The following MYO9A variants were observed in gnomAD, a reference collection of about 807,000 sequenced individuals.
MYO9A encodes unconventional myosin-IXa.
Under a neutral mutation model 293.3 loss-of-function variants are expected in MYO9A, and 103 were observed. The ratio of observed to expected loss-of-function variants is 0.35; its 90% CI spans 0.30 to 0.41. MYO9A has a LOEUF of 0.41. Among genes scored for constraint, MYO9A ranks in the 10% least tolerant of loss-of-function variants. The pLI is 1.00. For synonymous variants in MYO9A, 1,001 were observed against 1,035.7 expected (o/e 0.97, Z 0.64); for missense variants, 2,685 against 3,033.0 (o/e 0.89, Z 2.69).
chr15:71,963,077 T>C (rs1387648610), intron 13 of MYO9A, among the ~76,000 whole-genome samples: 2 of 152,134 alleles, frequency 1.3e-5, no homozygotes, highest in African/African-American at 4.8e-5. Flanking sequence ...TACTCATTTC[T>C]CTTTTTTTGG....
At chr15:71,948,165 C>A (rs185170899) in intron 15 of MYO9A, among the ~76,000 whole-genome samples, 10 of 152,276 alleles carry the variant, frequency 6.6e-5, no homozygotes, top group Non-Finnish European at 8.8e-5. Flanking sequence ...ATGAAGGGGG[C>A]AGTATCAATT....
rs764921711 is a variant in MYO9A at position 72,021,000 on chromosome 15, T to C, written c.1016A>G (p.Tyr339Cys). The C allele has an allele frequency of 2.4e-5, 38 of 1,556,586 alleles. No individual in the cohort carries two copies. Among genetic ancestry groups the C allele is most frequent in the Admixed American group, 8.3e-5 (4 of 48,156 alleles). The change falls in exon 5 of 42, where the codon TAT becomes TGT. Residue 339 changes from tyrosine to cysteine, a missense_variant. This residue lies in a region of MYO9A where 289 missense variants were observed against 456.8 expected (regional missense o/e 0.63). Transcript: ENST00000356056. The part of the protein sequence containing the change: ...EHNERNYHVF[Y>C]YLLAGASEDE... ...TTCACTTGCTCCTGCCAGGAGGTAA[T>C]AGAATACATGATAGTTCCTGTGGGA... is the stretch of plus-strand genomic sequence containing the variant.
intron 15 of MYO9A, among the ~76,000 whole-genome samples, chr15:71,949,989 T>C (rs1029838225): frequency 6.6e-6 from 1 of 152,288 alleles, no homozygotes; most frequent in African/African-American, 2.4e-5. Context: ...ACTTTTGGTC[T>C]TTTTCCAGTA....
chr15:72,005,268 T>C (rs976237293), intron 8 of MYO9A, among the ~76,000 whole-genome samples: 5 of 152,240 alleles, frequency 3.3e-5, no homozygotes, highest in Non-Finnish European at 7.3e-5. Flanking sequence ...TTGTCTTTGA[T>C]ACTGGTTTGC....
At chr15:71,942,348 T>C (rs1020064428) in intron 15 of MYO9A, among the ~76,000 whole-genome samples, 7 of 152,180 alleles carry the variant, frequency 4.6e-5, no homozygotes, top group Middle Eastern at 3.4e-3. Flanking sequence ...TCTTTCCTAA[T>C]ATTCTTAATT....
intron 39 of MYO9A, among the ~76,000 whole-genome samples, chr15:71,833,086 TATATC>T (rs1188240353): frequency 6.6e-6 from 1 of 151,720 alleles, no homozygotes; most frequent in East Asian, 1.9e-4. Context: ...AAAAGGAACA[TATATC>T]AGGCAGGACA....
At chr15:71,947,927 G>T (rs1387442124) in intron 15 of MYO9A, among the ~76,000 whole-genome samples, 4 of 152,164 alleles carry the variant, frequency 2.6e-5, no homozygotes, top group Non-Finnish European at 5.9e-5. Flanking sequence ...TTCTGGAAGT[G>T]AGCTGTAGCT....
At chr15:71,883,842 T>A in intron 27 of MYO9A, 106 bp from the exon 28 acceptor site, 1 of 996,658 alleles carries the variant, frequency 1.0e-6, no homozygotes, top group South Asian at 2.3e-5. Context: ...ATTAGCTCAT[T>A]TAAGCTTCAC....
At chr15:71,922,770 A>T (rs1354891976) in intron 18 of MYO9A, among the ~76,000 whole-genome samples, 1 of 152,180 alleles carries the variant, frequency 6.6e-6, no homozygotes, top group Non-Finnish European at 1.5e-5. Context: ...ATTCCTGGGG[A>T]GCAAATATGT....
In MYO9A at chr15:71,841,289, T is replaced by C. The variant is rs146589525; in HGVS notation, c.6837+7556A>G. On this transcript the variant is annotated intron_variant, in intron 39 of 41. Coordinates refer to ENST00000356056, the MANE Select transcript of MYO9A (RefSeq NM_006901.4). ...ATAATAGTGGGGATAATGGATAGCA[T>C]TGCCTTTTCTGATTTTAATCAGAAT... Among the ~76,000 whole-genome samples, 480 of 152,350 alleles carry C rather than the reference T, an allele frequency of 3.2e-3. 5 individuals are homozygous for C. Among genetic ancestry groups the C allele is most frequent in the Admixed American group, 6.1e-3 (93 of 15,308 alleles).
chr15:71,898,019 G>A lies in MYO9A; in HGVS notation c.4484C>T (p.Thr1495Ile). ...PVLKKLEKLN[T>I]EKEERQKQLQ... ...CTGTTTTTGCCTTTCTTCCTTCTCA[G>A]TGTTTAGCTTTTCTAACTTCTTAAG... The change falls in exon 25 of 42, where the codon ACT (threonine) becomes ATT (isoleucine). Residue 1495 changes from threonine (T) to isoleucine (I), a missense_variant. Transcript: ENST00000356056. The A allele has an allele frequency of 6.2e-7, 1 of 1,613,964 alleles. No homozygotes were observed. Among genetic ancestry groups the A allele is most frequent in the Non-Finnish European group, 8.5e-7 (1 of 1,179,996 alleles).
intron 18 of MYO9A, among the ~76,000 whole-genome samples, chr15:71,930,845 G>T (rs1241371491): frequency 6.6e-6 from 1 of 151,872 alleles, no homozygotes; most frequent in Non-Finnish European, 1.5e-5. Flanking sequence ...TTTATCTTTT[G>T]TGTATCCACT....
chr15:72,003,076 C>T (rs1394858336), intron 8 of MYO9A, among the ~76,000 whole-genome samples: 1 of 151,618 alleles, frequency 6.6e-6, no homozygotes, highest in Non-Finnish European at 1.5e-5. Context: ...TCGAGACCAG[C>T]CTGACCAATA....
chr15:71,844,477 TGA>T (rs1468575451), intron 39 of MYO9A, among the ~76,000 whole-genome samples: 2 of 152,194 alleles, frequency 1.3e-5, no homozygotes, highest in Admixed American at 6.5e-5. Flanking sequence ...ACAAAAATAT[TGA>T]GAGTCAAATG....
At chr15:71,956,777 G>A (rs996344039) in intron 14 of MYO9A, among the ~76,000 whole-genome samples, 13 of 148,994 alleles carry the variant, frequency 8.7e-5, no homozygotes, top group African/African-American at 2.7e-4. Context: ...TATGTAGCAT[G>A]TATGCTATAT....
At chr15:71,989,724 T>C (rs936965302) in intron 11 of MYO9A, among the ~76,000 whole-genome samples, 20 of 151,974 alleles carry the variant, frequency 1.3e-4, no homozygotes, top group African/African-American at 4.3e-4. Context: ...ACACATCTTT[T>C]TAATCAAAGG....
At chr15:72,054,502 C>A (rs772441750) in intron 1 of MYO9A, among the ~76,000 whole-genome samples, 14 of 151,946 alleles carry the variant, frequency 9.2e-5, no homozygotes, top group Non-Finnish European at 1.5e-4. Context: ...GAAACCCCAC[C>A]TCTACTAAAA....
intron 11 of MYO9A, among the ~76,000 whole-genome samples, chr15:71,986,625 T>A (rs1001457223): frequency 1.3e-5 from 2 of 152,238 alleles, no homozygotes; most frequent in African/African-American, 2.4e-5. Context: ...CTAACATGTA[T>A]GTATGTGTCT....
intron 7 of MYO9A, 52 bp downstream of exon 7, chr15:72,010,298 A>G (rs1464563342): frequency 2.1e-5 from 30 of 1,460,890 alleles, no homozygotes; most frequent in Non-Finnish European, 2.9e-5. Context: ...TCTTTCAAAG[A>G]CATATCATGT....
Sources: allele counts gnomAD v4.1 joint callset (sites outside exome capture counted in the v4.1 genomes callset), GRCh38; gene constraint gnomAD v4.1.1; regional missense constraint gnomAD v4.1.1; transcripts MANE v1.5; gene names NCBI Gene and HGNC (gene_info 2026-07-23, HGNC 2026-07-21).